The following TBC1D19 variants were observed in gnomAD, a reference collection of about 807,000 sequenced individuals.
TBC1D19 encodes the protein TBC1 domain family member 19, also known as TBC1 domain family, member 19.
TBC1D19 carries 60 observed loss-of-function variants against 89.0 expected under a neutral mutation model. The observed-to-expected ratio is 0.67, with a 90% CI of 0.55 to 0.84. The LOEUF is 0.84. Among genes scored for constraint, TBC1D19 ranks in the 40% least tolerant of loss-of-function variants. TBC1D19 has a pLI of 0.00. For missense variants in TBC1D19, 500 were observed against 610.8 expected (o/e 0.82, Z 1.91); for synonymous variants, 189 against 199.7 (o/e 0.95, Z 0.45).
At chr4:26,844,487 A>C in the TBC1D19 span, among the ~76,000 whole-genome samples, 1 of 152,254 alleles carries the variant, frequency 6.6e-6, no homozygotes, top group African/African-American at 2.4e-5. Context: ...CATTGTAATG[A>C]AAATCCTTCT....
intron 5 of TBC1D19, 119 bp downstream of exon 5, chr4:26,637,404 G>A: frequency 1.3e-6 from 1 of 797,214 alleles, no homozygotes. Context: ...ACAGAGTCTT[G>A]CTCTGTCACC....
At chr4:26,628,182 A>G (rs973152028) in intron 4 of TBC1D19, among the ~76,000 whole-genome samples, 15 of 152,148 alleles carry the variant, frequency 9.9e-5, no homozygotes, top group Non-Finnish European at 1.8e-4. Context: ...GGTTTGTCAA[A>G]GATCAGATAG....
the TBC1D19 span, among the ~76,000 whole-genome samples, chr4:26,806,248 T>G: frequency 6.6e-6 from 1 of 152,144 alleles, no homozygotes; most frequent in South Asian, 2.1e-4. Context: ...CCAGTGCCAC[T>G]TCCTCAGAAG....
chr4:26,739,136 T>A (rs1373463212), intron 16 of TBC1D19, among the ~76,000 whole-genome samples: 1 of 152,200 alleles, frequency 6.6e-6, no homozygotes, highest in Admixed American at 6.5e-5. Context: ...TGTAGAATAA[T>A]CACATGCTCA....
At chr4:26,770,872 C>T in the TBC1D19 span, among the ~76,000 whole-genome samples, 3 of 151,830 alleles carry the variant, frequency 2.0e-5, no homozygotes, top group Non-Finnish European at 4.4e-5. Flanking sequence ...ACCCATAGGT[C>T]AAGGAATAAA....
At chr4:26,713,442 G>A (rs986730407) in intron 13 of TBC1D19, among the ~76,000 whole-genome samples, 7 of 151,878 alleles carry the variant, frequency 4.6e-5, no homozygotes, top group African/African-American at 1.5e-4. Flanking sequence ...TTACTCATTA[G>A]TGAAATACTA....
intron 16 of TBC1D19, among the ~76,000 whole-genome samples, chr4:26,739,626 T>A (rs1402180234): frequency 6.6e-6 from 1 of 152,178 alleles, no homozygotes. Context: ...TAGGCATCTG[T>A]TAAATTGGGA....
At chr4:26,732,048 T>C (rs1341412990) in intron 15 of TBC1D19, among the ~76,000 whole-genome samples, 3 of 152,204 alleles carry the variant, frequency 2.0e-5, no homozygotes, top group African/African-American at 7.2e-5. Context: ...TCTTCTTCTT[T>C]CTTATTTCTT....
chr4:26,640,924 G>A (rs1743460192), intron 7 of TBC1D19, among the ~76,000 whole-genome samples: 1 of 152,212 alleles, frequency 6.6e-6, no homozygotes, highest in East Asian at 1.9e-4. Context: ...GCCCACCACA[G>A]CTCAACGAGG....
At chr4:26,587,123 A>G (rs553647664) in intron 1 of TBC1D19, among the ~76,000 whole-genome samples, 6 of 152,256 alleles carry the variant, frequency 3.9e-5, no homozygotes, top group African/African-American at 1.4e-4. Context: ...TTTCCTGCTC[A>G]TGTTGATATG....
At chr4:26,836,622 C>A in the TBC1D19 span, among the ~76,000 whole-genome samples, 1 of 152,226 alleles carries the variant, frequency 6.6e-6, no homozygotes, top group Non-Finnish European at 1.5e-5. Flanking sequence ...CCAAAGGCAG[C>A]AGCAGAGAGA....
chr4:26,771,176 T>TAA, the TBC1D19 span, among the ~76,000 whole-genome samples: 1 of 141,870 alleles, frequency 7.0e-6, no homozygotes, highest in African/African-American at 2.6e-5. Flanking sequence ...GTGTCTATTA[T>TAA]AAAAAAAAAA....
chr4:26,586,557 C>T (rs897120833), intron 1 of TBC1D19, among the ~76,000 whole-genome samples: 19 of 151,562 alleles, frequency 1.3e-4, no homozygotes, highest in African/African-American at 4.1e-4. Flanking sequence ...TGGGGAGAAT[C>T]GAGATTTTTA....
chr4:26,781,086 A>G, the TBC1D19 span, among the ~76,000 whole-genome samples: 1 of 152,308 alleles, frequency 6.6e-6, no homozygotes, highest in South Asian at 2.1e-4. Flanking sequence ...GGGAAGCAGC[A>G]TCAGCATCAC....
chr4:26,833,596 T>C, the TBC1D19 span, among the ~76,000 whole-genome samples: 1 of 152,244 alleles, frequency 6.6e-6, no homozygotes, highest in African/African-American at 2.4e-5. Flanking sequence ...TTCTTAGAGC[T>C]GAAATGTTTC....
chr4:26,815,021 CAA>C, the TBC1D19 span, among the ~76,000 whole-genome samples: 9 of 119,312 alleles, frequency 7.5e-5, no homozygotes, highest in Admixed American at 1.7e-4. Context: ...GACCTTGTCT[CAA>C]AAAAAAAAAA....
chr4:26,820,980 T>A, the TBC1D19 span, among the ~76,000 whole-genome samples: 1 of 152,266 alleles, frequency 6.6e-6, no homozygotes, highest in East Asian at 1.9e-4. Flanking sequence ...GTTGACTGGC[T>A]ACCAAATGAA....
At chr4:26,825,201 C>T in the TBC1D19 span, among the ~76,000 whole-genome samples, 3 of 152,036 alleles carry the variant, frequency 2.0e-5, no homozygotes, top group East Asian at 3.9e-4. Flanking sequence ...CTGGTTCAAG[C>T]GATTCTCCTG....
At chr4:26,800,249 T>C in the TBC1D19 span, among the ~76,000 whole-genome samples, 178 of 152,316 alleles carry the variant, frequency 1.2e-3, no homozygotes, top group African/African-American at 4.0e-3. Context: ...AGTGAGAACA[T>C]GCAGTGTTTG....
Sources: allele counts gnomAD v4.1 joint callset (sites outside exome capture counted in the v4.1 genomes callset), GRCh38; gene constraint gnomAD v4.1.1; transcripts MANE v1.5; gene names NCBI Gene and HGNC (gene_info 2026-07-23, HGNC 2026-07-21).